TENM1: variants seen among roughly 807,000 people sequenced by gnomAD.
The protein encoded by TENM1 is teneurin transmembrane protein 1, also known as teneurin-1.
Under a neutral mutation model 174.8 loss-of-function variants are expected in TENM1, and 35 were observed. That is an observed-to-expected ratio of 0.20 (90% CI 0.15 to 0.27). TENM1 has a LOEUF of 0.27. Ranked by LOEUF, TENM1 falls within the 10% of genes least tolerant of loss-of-function variation. TENM1 has a pLI of 1.00. For missense variants in TENM1, 1,633 were observed against 2,130.1 expected (o/e 0.77, Z 4.59); for synonymous variants, 781 against 798.7 (o/e 0.98, Z 0.37).
intron 5 of TENM1, among the ~76,000 whole-genome samples, chrX:124,703,015 T>TG (rs1386754301): frequency 9.0e-6 from 1 of 111,581 alleles, no homozygotes; most frequent in Non-Finnish European, 1.9e-5. Flanking sequence ...ATAATTATGA[T>TG]GGTAACAATG....
chrX:125,174,888 C>T, the TENM1 span, among the ~76,000 whole-genome samples: 1 of 111,533 alleles, frequency 9.0e-6, no homozygotes, highest in Admixed American at 9.6e-5. Context: ...CTTTAACTGC[C>T]CTTGGCCTCA....
chrX:125,075,395 G>A, the TENM1 span, among the ~76,000 whole-genome samples: 15 of 111,590 alleles, frequency 1.3e-4, no homozygotes, highest in African/African-American at 4.9e-4. Flanking sequence ...ATCAGTTGAT[G>A]AACATTTGGG....
chrX:124,786,697 G>A (rs756396053), intron 3 of TENM1, among the ~76,000 whole-genome samples: 2 of 111,488 alleles, frequency 1.8e-5, no homozygotes, highest in Non-Finnish European at 3.8e-5. Context: ...CCATGCCTGA[G>A]TTTTAATATG....
At chrX:125,134,343 G>A in the TENM1 span, among the ~76,000 whole-genome samples, 1 of 112,098 alleles carries the variant, frequency 8.9e-6, no homozygotes. Flanking sequence ...GTAATTAGGA[G>A]GACATGGCTA....
chrX:124,587,271 C>G (rs1415549313), intron 11 of TENM1, among the ~76,000 whole-genome samples: 1 of 110,528 alleles, frequency 9.0e-6, no homozygotes, highest in East Asian at 2.8e-4. Context: ...AGGCATCATG[C>G]TACCTGACTT....
Position 124,902,751 on chromosome X carries a change from A to G in TENM1, c.218-6510T>C, listed in dbSNP as rs76473611. On this transcript the variant is annotated intron_variant, in intron 1 of 31. Coordinates refer to ENST00000422452, the Ensembl canonical transcript of TENM1. ...CTTCACTGAACACCCACTCAATTTAAAGTAAAGAAATCAAAACAAAATAGT... is the reference window on the plus strand; with the variant it reads ...CTTCACTGAACACCCACTCAATTTAGAGTAAAGAAATCAAAACAAAATAGT... Among the ~76,000 whole-genome samples the G allele has an allele frequency of 2.4e-3, 271 of 112,783 alleles. No individual in the cohort carries two copies. In the East Asian group the frequency reaches 0.041, roughly 17 times the overall value.
At chrX:124,624,508 A>G (rs1252621656) in intron 11 of TENM1, among the ~76,000 whole-genome samples, 1 of 112,237 alleles carries the variant, frequency 8.9e-6, no homozygotes, top group Non-Finnish European at 1.9e-5. Context: ...TATTTGCTCA[A>G]TAACTATTAT....
At chrX:124,984,944 G>T in the TENM1 span, among the ~76,000 whole-genome samples, 11 of 112,167 alleles carry the variant, frequency 9.8e-5, no homozygotes, top group African/African-American at 3.6e-4. Context: ...GCTTCAAGTT[G>T]CTAAACAAGA....
At chrX:125,164,873 T>C in the TENM1 span, among the ~76,000 whole-genome samples, 3 of 111,693 alleles carry the variant, frequency 2.7e-5, no homozygotes, top group Non-Finnish European at 3.8e-5. Flanking sequence ...TGGTCCTGAG[T>C]ACGGTAAGTT....
At chrX:125,126,036 T>A in the TENM1 span, among the ~76,000 whole-genome samples, 1 of 112,307 alleles carries the variant, frequency 8.9e-6, no homozygotes, top group African/African-American at 3.2e-5. Flanking sequence ...AAACTGGCTG[T>A]TTCTAAACGT....
the TENM1 span, among the ~76,000 whole-genome samples, chrX:125,081,810 G>A: frequency 9.0e-6 from 1 of 111,451 alleles, no homozygotes; most frequent in East Asian, 2.8e-4. Flanking sequence ...TATTTATTCA[G>A]CCATAAAAAA....
chrX:124,876,087 C>T (rs1387892242), intron 3 of TENM1, among the ~76,000 whole-genome samples: 1 of 109,769 alleles, frequency 9.1e-6, no homozygotes, highest in Non-Finnish European at 1.9e-5. Context: ...TACCACTTAC[C>T]AGCCAAATCA....
Position 124,551,723 on chromosome X carries a change from T to A in TENM1, c.2435-4633A>T, listed in dbSNP as rs139097465. 2.4e-3 allele frequency among the ~76,000 whole-genome samples: 271 copies of A among 112,092 alleles called. 4 individuals carry two copies. The highest frequency in any genetic ancestry group is 8.3e-3 in the African/African-American group (256 of 30,848). ...TCAGGTTTTGTACACCATTTATACCTCAATAAAGCTGGAAAGGTAATCATA... is the reference window on the plus strand; with the variant it reads ...TCAGGTTTTGTACACCATTTATACCACAATAAAGCTGGAAAGGTAATCATA... On this transcript the variant is annotated intron_variant, in intron 14 of 31. Coordinates refer to ENST00000422452, the Ensembl canonical transcript of TENM1.
chrX:124,530,798 A>G (rs1224458380), intron 15 of TENM1, among the ~76,000 whole-genome samples: 1 of 112,307 alleles, frequency 8.9e-6, no homozygotes, highest in Non-Finnish European at 1.9e-5. Flanking sequence ...ATCCTTACTA[A>G]AAAATGGAAT....
chrX:124,378,196 A>C (rs1016557134), exon 32 of TENM1: 1 of 112,482 alleles, frequency 8.9e-6, no homozygotes, highest in African/African-American at 3.2e-5. Context: ...ATCACTATTA[A>C]GTAAAAGCTT....
chrX:124,927,118 A>G (rs769770555), intron 1 of TENM1, among the ~76,000 whole-genome samples: 42 of 112,298 alleles, frequency 3.7e-4, no homozygotes, highest in South Asian at 1.1e-3. Flanking sequence ...TGAATCTCAC[A>G]TCAATCTTTT....
At chrX:124,522,403 T>C in intron 17 of TENM1, among the ~76,000 whole-genome samples, 1 of 111,587 alleles carries the variant, frequency 9.0e-6, no homozygotes, top group Non-Finnish European at 1.9e-5. Context: ...AATGTTTCTA[T>C]AATGTGGTGA....
chrX:124,589,070 T>A (rs774717076), intron 11 of TENM1, among the ~76,000 whole-genome samples: 49 of 96,811 alleles, frequency 5.1e-4, no homozygotes, highest in Non-Finnish European at 8.4e-4. Flanking sequence ...TGATGTATGT[T>A]CCTTTGATGC....
intron 23 of TENM1, among the ~76,000 whole-genome samples, chrX:124,440,584 A>G (rs1288466496): frequency 1.8e-5 from 2 of 112,054 alleles, no homozygotes; most frequent in African/African-American, 3.2e-5. Flanking sequence ...AAAATGATTT[A>G]ACATTTTTTT....
Sources: gnomAD v4.1 joint callset for allele counts (sites outside exome capture counted in the v4.1 genomes callset) on GRCh38, gnomAD v4.1.1 for gene constraint, MANE v1.5 for transcripts, NCBI Gene and HGNC (gene_info 2026-07-23, HGNC 2026-07-21) for gene names.